CTNNA2: variants seen among roughly 807,000 people sequenced by gnomAD.
The protein encoded by CTNNA2 is catenin alpha-2.
A neutral mutation model predicts 101.0 loss-of-function variants in CTNNA2; 42 were observed. That is an observed-to-expected ratio of 0.42 (90% CI 0.32 to 0.54). The LOEUF is 0.54. Among genes scored for constraint, CTNNA2 ranks in the 20% least tolerant of loss-of-function variants. CTNNA2 has a pLI of 0.14. For missense variants in CTNNA2, 871 were observed against 1,223.1 expected, an observed-to-expected ratio of 0.71 and a Z score of 4.29; for synonymous variants, 450 against 456.4, an observed-to-expected ratio of 0.99 and a Z score of 0.18.
intron 9 of CTNNA2, among the ~76,000 whole-genome samples, chr2:80,423,994 C>T (rs930695487): frequency 4.0e-5 from 6 of 151,802 alleles, no homozygotes; most frequent in Non-Finnish European, 5.9e-5. Flanking sequence ...CTCGCACTGT[C>T]GCCTGGGCTG....
At chr2:79,820,506 T>A (rs934891168) in intron 3 of CTNNA2, among the ~76,000 whole-genome samples, 2 of 152,198 alleles carry the variant, frequency 1.3e-5, no homozygotes, top group African/African-American at 2.4e-5. Context: ...GATTTACTCA[T>A]AAAGATTGAA....
At chr2:79,881,483 G>T (rs1223520985) in intron 6 of CTNNA2, among the ~76,000 whole-genome samples, 1 of 152,116 alleles carries the variant, frequency 6.6e-6, no homozygotes, top group Non-Finnish European at 1.5e-5. Flanking sequence ...CTTGTTTTAT[G>T]AATCCGGTGC....
intron 7 of CTNNA2, among the ~76,000 whole-genome samples, chr2:80,388,451 C>T (rs1032682478): frequency 1.3e-5 from 2 of 152,202 alleles, no homozygotes; most frequent in Non-Finnish European, 2.9e-5. Context: ...CCTGTCAATT[C>T]CCAGCCCTTT....
rs1674354080 is a variant in CTNNA2 at position 80,648,522 on chromosome 2, A to G, written c.*650A>G. 6.6e-6 allele frequency: 1 copy of G among 152,582 alleles called. No individual in the cohort carries two copies. Among genetic ancestry groups the G allele is most frequent in the South Asian group, 2.1e-4 (1 of 4,832 alleles). The allele number at this position is 152,582 out of a possible 1,614,324, so 9.5% of individuals were successfully genotyped here. A position where few individuals can be genotyped will look rare whatever the true frequency, so the allele number is the denominator to read the frequency against. ...CCCCCCTTTAATGAAAACAATAAAC[A>G]TCTATTTGAGACAATTAAAATCCTT... On this transcript the variant is annotated 3_prime_UTR_variant, in exon 19 of 19. Coordinates refer to ENST00000402739, the MANE Select transcript of CTNNA2 (RefSeq NM_001282597.3).
At chr2:80,284,623 A>T (rs1558968583) in intron 7 of CTNNA2, among the ~76,000 whole-genome samples, 1,701 of 125,882 alleles carry the variant, frequency 0.014, 30 homozygotes, top group African/African-American at 0.071. Flanking sequence ...ATTCAATCAC[A>T]CATTTTTTTT....
At chr2:79,767,043 T>C (rs1417616448) in intron 3 of CTNNA2, among the ~76,000 whole-genome samples, 1 of 151,986 alleles carries the variant, frequency 6.6e-6, no homozygotes, top group Non-Finnish European at 1.5e-5. Context: ...CGTGAGCCAC[T>C]GCGCCTGGCC....
chr2:79,845,546 C>T (rs903145554), intron 3 of CTNNA2, among the ~76,000 whole-genome samples: 7 of 152,122 alleles, frequency 4.6e-5, no homozygotes, highest in South Asian at 2.1e-4. Flanking sequence ...GTCAGGCTGT[C>T]GGAACATTTT....
chr2:79,816,656 G>A (rs185434749), intron 3 of CTNNA2, among the ~76,000 whole-genome samples: 62 of 152,278 alleles, frequency 4.1e-4, no homozygotes, highest in African/African-American at 1.4e-3. Context: ...TCAAATGTAT[G>A]TGTTAGGTTG....
At chr2:80,007,214 G>A (rs950587469) in intron 7 of CTNNA2, among the ~76,000 whole-genome samples, 3 of 151,966 alleles carry the variant, frequency 2.0e-5, no homozygotes, top group African/African-American at 4.8e-5. Context: ...CAGGATTACC[G>A]AGAAGATTGA....
Position 80,303,388 on chromosome 2 carries a change from G to A in CTNNA2, c.1057-89823G>A. The stretch of plus-strand genomic sequence containing the variant: ...CGAGCGCCTGCAGCTTGTTGTACGA[G>A]AGGTCCACGCTGCGCAGGTTGGGCA... On this transcript the variant is annotated intron_variant, in intron 7 of 18. Coordinates refer to ENST00000402739, the MANE Select transcript of CTNNA2 (RefSeq NM_001282597.3). This position sits in a 1 kb window ranked among gnomAD's most constrained non-coding sequence, Gnocchi z 7.7. 1 of 1,614,218 alleles carries A rather than the reference G, an allele frequency of 6.2e-7. No homozygotes were observed. Among genetic ancestry groups the A allele is most frequent in the Non-Finnish European group, 8.5e-7 (1 of 1,180,048 alleles).
intron 7 of CTNNA2, among the ~76,000 whole-genome samples, chr2:79,956,133 G>A (rs1430391729): frequency 6.6e-6 from 1 of 152,170 alleles, no homozygotes; most frequent in Non-Finnish European, 1.5e-5. Flanking sequence ...TAAGTAGCCA[G>A]AGAGAGGTTG....
chr2:79,759,161 G>A (rs919312979), intron 3 of CTNNA2, among the ~76,000 whole-genome samples: 2 of 152,036 alleles, frequency 1.3e-5, no homozygotes. Context: ...CTCTTTTGTT[G>A]CCACAGTTAA....
chr2:80,344,576 C>T (rs1295961115), intron 7 of CTNNA2, among the ~76,000 whole-genome samples: 1 of 152,274 alleles, frequency 6.6e-6, no homozygotes. Context: ...CCTCGATCTC[C>T]CAGGCACAGG....
chr2:79,705,000 C>G (rs918355956), intron 2 of CTNNA2, among the ~76,000 whole-genome samples: 1 of 152,132 alleles, frequency 6.6e-6, no homozygotes, highest in African/African-American at 2.4e-5. Context: ...AGAATCTCCT[C>G]GCCACCACTG....
intron 2 of CTNNA2, among the ~76,000 whole-genome samples, chr2:79,305,497 T>C (rs1382960240): frequency 6.6e-6 from 1 of 151,014 alleles, no homozygotes; most frequent in Non-Finnish European, 1.5e-5. Context: ...TGGTATCTTT[T>C]CAATGTTTTA....
chr2:80,405,024 C>T (rs528841521), intron 8 of CTNNA2, among the ~76,000 whole-genome samples: 3 of 152,258 alleles, frequency 2.0e-5, no homozygotes, highest in African/African-American at 7.2e-5. Flanking sequence ...AATTGCCTTG[C>T]CTTATCGTAG....
chr2:80,525,377 T>C (rs13409724), intron 9 of CTNNA2, among the ~76,000 whole-genome samples: 60,952 of 151,634 alleles, frequency 0.4, 12,522 homozygotes, highest in South Asian at 0.54. Context: ...ATCTGAATGA[T>C]CTGGATTTCC....
At chr2:80,625,332 G>A (rs1447452622) in intron 18 of CTNNA2, among the ~76,000 whole-genome samples, 1 of 151,976 alleles carries the variant, frequency 6.6e-6, no homozygotes, top group Non-Finnish European at 1.5e-5. Flanking sequence ...GGCATTGTAT[G>A]AAGCATTTAA....
Position 79,720,959 on chromosome 2 carries a change from A to G in CTNNA2, c.103-23428A>G, listed in dbSNP as rs139021278. Among the ~76,000 whole-genome samples the G allele has an allele frequency of 1.6e-4, 24 of 152,236 alleles. No homozygotes were observed. The East Asian group carries it at 4.6e-3, about 29-fold the overall frequency. On this transcript the variant is annotated intron_variant, in intron 2 of 18. Coordinates refer to ENST00000402739, the MANE Select transcript of CTNNA2 (RefSeq NM_001282597.3). The stretch of plus-strand genomic sequence containing the variant: ...AAAGGCCAAATGGAATAGTGTACTT[A>G]TATGTGTTTTATAAAAAGAACATCA...
Sources: allele counts gnomAD v4.1 joint callset (sites outside exome capture counted in the v4.1 genomes callset), GRCh38; gene constraint gnomAD v4.1.1; non-coding constraint Gnocchi (gnomAD v3.1); transcripts MANE v1.5; gene names NCBI Gene and HGNC (gene_info 2026-07-23, HGNC 2026-07-21).